Variants in TRAM2 observed in about 807,000 individuals in gnomAD.
TRAM2 encodes the protein translocating chain-associated membrane protein 2.
In TRAM2, 12 loss-of-function variants were observed where a neutral mutation model predicts 51.0. That is an observed-to-expected ratio of 0.24 (90% CI 0.15 to 0.38). The LOEUF is 0.38. Among genes scored for constraint, TRAM2 ranks in the 10% least tolerant of loss-of-function variants. TRAM2 has a pLI of 1.00. For synonymous variants in TRAM2, 175 were observed against 179.4 expected, an observed-to-expected ratio of 0.98 and a Z score of 0.20; for missense variants, 361 against 462.0, an observed-to-expected ratio of 0.78 and a Z score of 2.00.
chr6:52,518,269 A>G (rs1033541), intron 2 of TRAM2, among the ~76,000 whole-genome samples: 134,960 of 152,048 alleles, frequency 0.89, 59,928 homozygotes, highest in East Asian at 0.96. Flanking sequence ...GGTATTGGGG[A>G]CATCCTAGCC....
At chr6:52,532,791 T>C (rs1766914469) in intron 2 of TRAM2, among the ~76,000 whole-genome samples, 1 of 151,310 alleles carries the variant, frequency 6.6e-6, no homozygotes, top group Non-Finnish European at 1.5e-5. Flanking sequence ...CACAAAAAGG[T>C]TCATCATATT....
intron 2 of TRAM2, among the ~76,000 whole-genome samples, chr6:52,519,155 G>C (rs1291340371): frequency 6.6e-6 from 1 of 152,238 alleles, no homozygotes; most frequent in Admixed American, 6.5e-5. Context: ...AGGGCTCCAT[G>C]CTGGGCACTG....
At chr6:52,527,335 GC>G (rs1766801073) in intron 2 of TRAM2, among the ~76,000 whole-genome samples, 1 of 149,874 alleles carries the variant, frequency 6.7e-6, no homozygotes, top group South Asian at 2.1e-4. Context: ...AAGAGATTGT[GC>G]CACTGTACTC....
At chr6:52,520,659 A>G (rs1221103477) in intron 2 of TRAM2, among the ~76,000 whole-genome samples, 3 of 152,176 alleles carry the variant, frequency 2.0e-5, no homozygotes, top group Non-Finnish European at 2.9e-5. Flanking sequence ...ATGAGGAAAG[A>G]GTTCACAGAG....
rs145663348 is a variant in TRAM2, at chr6:52,511,515, GAGA to G, written c.412-1932_412-1930del. The stretch of plus-strand genomic sequence containing the variant: ...AATCAGCTGAGCTGGTGGCTTTGAT[GAGA>G]AGGCTGAGAACCTCAGATGTTCACA... On this transcript the variant is annotated intron_variant, in intron 4 of 10. Coordinates refer to ENST00000182527, the MANE Select transcript of TRAM2 (RefSeq NM_012288.4). Among the ~76,000 whole-genome samples the G allele has an allele frequency of 9.8e-3, 1,486 of 152,328 alleles. 26 individuals carry two copies. The highest frequency in any genetic ancestry group is 0.034 in the African/African-American group (1,403 of 41,564).
intron 7 of TRAM2, among the ~76,000 whole-genome samples, chr6:52,506,625 C>T (rs1413803399): frequency 6.6e-6 from 1 of 152,238 alleles, no homozygotes; most frequent in Non-Finnish European, 1.5e-5. Flanking sequence ...GTCCTCGCCA[C>T]TGCTACGGTG....
intron 1 of TRAM2, among the ~76,000 whole-genome samples, chr6:52,561,142 T>C (rs1767492421): frequency 6.6e-6 from 1 of 152,146 alleles, no homozygotes; most frequent in Non-Finnish European, 1.5e-5. Context: ...AAAAACCACA[T>C]ATGGTATGAT....
intron 1 of TRAM2, among the ~76,000 whole-genome samples, chr6:52,569,388 TA>T (rs11331630): frequency 0.61 from 82,693 of 135,910 alleles, 25,415 homozygotes; most frequent in Admixed American, 0.7. Flanking sequence ...AGACTCCATT[TA>T]AAAAAAAAAA....
intron 10 of TRAM2, among the ~76,000 whole-genome samples, chr6:52,503,777 C>T (rs1766286457): frequency 6.6e-6 from 1 of 152,152 alleles, no homozygotes; most frequent in African/African-American, 2.4e-5. Flanking sequence ...CCTGACACTC[C>T]TCTGGCAGAA....
chr6:52,531,120 C>CAAAAAAAA (rs35821052), intron 2 of TRAM2, among the ~76,000 whole-genome samples: 3 of 96,296 alleles, frequency 3.1e-5, no homozygotes, highest in South Asian at 4.6e-4. Flanking sequence ...CCTGGTTATG[C>CAAAAAAAA]AAAAAAAAAA....
chr6:52,511,887 C>A (rs190065084), intron 4 of TRAM2, among the ~76,000 whole-genome samples: 210 of 152,204 alleles, frequency 1.4e-3, no homozygotes, highest in Non-Finnish European at 2.4e-3. Flanking sequence ...CTTCTCACTA[C>A]CACTCTCTCC....
chr6:52,558,110 G>A (rs954818899), intron 1 of TRAM2, among the ~76,000 whole-genome samples: 1 of 152,106 alleles, frequency 6.6e-6, no homozygotes, highest in African/African-American at 2.4e-5. Context: ...CCCACCTCAG[G>A]CCACGTGGGC....
rs754410735 is a variant in TRAM2 at position 52,504,806 on chromosome 6, G to A, written c.876-52C>T. 2.4e-5 allele frequency: 36 copies of A among 1,530,746 alleles called. 1 individual carries two copies. The highest frequency in any genetic ancestry group is 2.3e-4 in the Middle Eastern group (1 of 4,394). 94.8% of individuals were successfully genotyped at this position (1,530,746 alleles called of 1,614,324 possible). On this transcript the variant is annotated intron_variant, in intron 9 of 10. Coordinates refer to ENST00000182527, the MANE Select transcript of TRAM2 (RefSeq NM_012288.4). ...GGCTGGGGCTTGGGCTCACAGCCTT[G>A]GGCTGGGTTGTGCAGGGGAGAACAA...
chr6:52,554,519 C>CAAAAAAAA (rs55641649), intron 1 of TRAM2, among the ~76,000 whole-genome samples: 2 of 109,080 alleles, frequency 1.8e-5, no homozygotes, highest in African/African-American at 3.5e-5. Context: ...GACCCCATCT[C>CAAAAAAAA]AAAAAAAAAA....
intron 1 of TRAM2, among the ~76,000 whole-genome samples, chr6:52,574,239 T>C (rs770535265): frequency 7.2e-5 from 11 of 151,992 alleles, no homozygotes; most frequent in South Asian, 2.1e-4. Context: ...TCCCCAGGCT[T>C]TACTCTGAGT....
At chr6:52,542,277 A>T (rs201046201) in intron 1 of TRAM2, among the ~76,000 whole-genome samples, 24,541 of 96,942 alleles carry the variant, frequency 0.25, 2,441 homozygotes, top group African/African-American at 0.51. Context: ...TTTTTTTTTT[A>T]AAAAAAATAG....
chr6:52,512,136 A>G (rs1011274364), intron 4 of TRAM2, among the ~76,000 whole-genome samples: 4 of 152,244 alleles, frequency 2.6e-5, no homozygotes, highest in Non-Finnish European at 5.9e-5. Context: ...TGTACTTAGC[A>G]GGAAAAATGG....
intron 1 of TRAM2, among the ~76,000 whole-genome samples, chr6:52,562,608 G>A (rs368624203): frequency 1.1e-4 from 16 of 152,218 alleles, no homozygotes; most frequent in South Asian, 4.1e-4. Context: ...TGTGCAGAAC[G>A]TGCAGTTTTG....
intron 4 of TRAM2, among the ~76,000 whole-genome samples, chr6:52,511,904 G>A (rs1766457939): frequency 6.6e-6 from 1 of 151,922 alleles, no homozygotes; most frequent in Non-Finnish European, 1.5e-5. Flanking sequence ...CTCCTCCCTG[G>A]GTCACGTGCC....
Sources: allele counts gnomAD v4.1 joint callset (sites outside exome capture counted in the v4.1 genomes callset), GRCh38; gene constraint gnomAD v4.1.1; transcripts MANE v1.5; gene names NCBI Gene and HGNC (gene_info 2026-07-23, HGNC 2026-07-21).